The following TENM2 variants were observed in gnomAD, a reference collection of about 807,000 sequenced individuals.
TENM2 encodes the protein teneurin-2.
In TENM2, 52 loss-of-function variants were observed where a neutral mutation model predicts 245.2. The ratio of observed to expected loss-of-function variants is 0.21; its 90% CI spans 0.17 to 0.27. The LOEUF is 0.27. TENM2 is among the 10% of genes least tolerant of loss of function. The pLI, the probability that TENM2 is intolerant of heterozygous loss-of-function variation, is 1.00. For missense variants in TENM2, 3,046 were observed against 3,666.8 expected (o/e 0.83, Z 4.37); for synonymous variants, 1,363 against 1,438.9 (o/e 0.95, Z 1.19).
At chr5:167,527,073 A>G (rs1405785269) in intron 2 of TENM2, among the ~76,000 whole-genome samples, 1 of 152,036 alleles carries the variant, frequency 6.6e-6, no homozygotes, top group East Asian at 1.9e-4. Context: ...CTCTCTCCCA[A>G]CACTCCCTTC....
chr5:167,141,342 G>A, the TENM2 span, among the ~76,000 whole-genome samples: 14 of 152,158 alleles, frequency 9.2e-5, no homozygotes, highest in Non-Finnish European at 1.5e-4. Context: ...AAATGATTGT[G>A]TAGGGCTTTA....
At chr5:168,227,928 A>G (rs1438559246) in exon 25 of TENM2, 1 of 1,612,462 alleles carries the variant, frequency 6.2e-7, no homozygotes, top group Non-Finnish European at 8.5e-7. Context: ...CTCTGTAATA[A>G]TGGTACCCTG....
intron 4 of TENM2, 117 bp downstream of exon 6, chr5:167,952,939 A>C: frequency 5.0e-6 from 4 of 803,156 alleles, no homozygotes; most frequent in Non-Finnish European, 8.1e-6. Flanking sequence ...GGTATAAATA[A>C]TGAGACAAGT....
chr5:167,193,390 C>A, the TENM2 span, among the ~76,000 whole-genome samples: 4 of 150,770 alleles, frequency 2.7e-5, no homozygotes, highest in Non-Finnish European at 5.9e-5. Flanking sequence ...CAGGGGATAT[C>A]TTTGTTTTCT....
At chr5:167,096,401 C>T in the TENM2 span, among the ~76,000 whole-genome samples, 4 of 152,266 alleles carry the variant, frequency 2.6e-5, no homozygotes, top group Admixed American at 6.5e-5. Context: ...TCTCTCTGAC[C>T]GTAACACATT....
At chr5:166,998,839 C>T in the TENM2 span, among the ~76,000 whole-genome samples, 35 of 152,016 alleles carry the variant, frequency 2.3e-4, no homozygotes, top group Middle Eastern at 0.017. Context: ...GAAGCCTTTA[C>T]GTTTTAGAAA....
At chr5:167,393,638 TG>T (rs1270325980) in intron 2 of TENM2, among the ~76,000 whole-genome samples, 1 of 152,160 alleles carries the variant, frequency 6.6e-6, no homozygotes, top group African/African-American at 2.4e-5. Context: ...TTATTTAAAA[TG>T]GTGGCCTTTG....
chr5:167,345,697 A>C (rs940945234), intron 1 of TENM2, among the ~76,000 whole-genome samples: 10 of 152,162 alleles, frequency 6.6e-5, no homozygotes, highest in Non-Finnish European at 1.3e-4. Flanking sequence ...AAAGAAGCTA[A>C]TATTTCTGAT....
At chr5:167,152,331 A>T in the TENM2 span, among the ~76,000 whole-genome samples, 1 of 152,196 alleles carries the variant, frequency 6.6e-6, no homozygotes, top group South Asian at 2.1e-4. Context: ...ACGTGGTTCA[A>T]ATCTGCTTGT....
intron 5 of TENM2, among the ~76,000 whole-genome samples, chr5:167,994,179 A>G (rs1783879746): frequency 6.6e-6 from 1 of 152,268 alleles, no homozygotes; most frequent in Non-Finnish European, 1.5e-5. Context: ...GGCAGCTATG[A>G]GAGACCTGCC....
chr5:167,365,492 G>A (rs1039785493), intron 1 of TENM2, among the ~76,000 whole-genome samples: 117 of 151,134 alleles, frequency 7.7e-4, no homozygotes, highest in African/African-American at 2.5e-3. Flanking sequence ...TTGAAAAATC[G>A]ATAAAATAAA....
At chr5:167,938,800 G>A (rs374662075) in intron 3 of TENM2, among the ~76,000 whole-genome samples, 10 of 152,040 alleles carry the variant, frequency 6.6e-5, no homozygotes, top group South Asian at 6.2e-4. Context: ...AAAATTAGCC[G>A]GGTGTGGTGG....
intron 2 of TENM2, among the ~76,000 whole-genome samples, chr5:167,376,077 A>G (rs1760730979): frequency 6.6e-6 from 1 of 152,134 alleles, no homozygotes; most frequent in Admixed American, 6.5e-5. Flanking sequence ...TCTGTCACAA[A>G]TCACTATTGC....
At chr5:167,050,262 C>T in the TENM2 span, among the ~76,000 whole-genome samples, 1 of 152,128 alleles carries the variant, frequency 6.6e-6, no homozygotes, top group East Asian at 1.9e-4. Flanking sequence ...GTCAGGTCAG[C>T]AGAGGCATTA....
At chr5:168,109,207 G>A (rs922154816) in intron 9 of TENM2, among the ~76,000 whole-genome samples, 3 of 152,166 alleles carry the variant, frequency 2.0e-5, no homozygotes, top group African/African-American at 7.2e-5. Context: ...GGGATTCTTT[G>A]GCAGCAAAGG....
the TENM2 span, among the ~76,000 whole-genome samples, chr5:167,038,852 T>G: frequency 3.9e-5 from 6 of 152,184 alleles, no homozygotes; most frequent in Non-Finnish European, 8.8e-5. Context: ...TCAGTTTTTA[T>G]TTGAGATTTG....
At chr5:167,926,718 C>CCACACACA (rs750351497) in intron 3 of TENM2, among the ~76,000 whole-genome samples, 290 of 136,806 alleles carry the variant, frequency 2.1e-3, no homozygotes, top group African/African-American at 4.3e-3. Context: ...TGAGATTCCA[C>CCACACACA]CACACACACA....
At chr5:168,156,078 TGGAAGAG>T (rs1757136846) in intron 12 of TENM2, among the ~76,000 whole-genome samples, 1 of 151,744 alleles carries the variant, frequency 6.6e-6, no homozygotes, top group Non-Finnish European at 1.5e-5. Context: ...TGTATGCTAT[TGGAAGAG>T]AAAATAAATA....
intron 4 of TENM2, among the ~76,000 whole-genome samples, chr5:167,988,274 GTTAT>G (rs370022895): frequency 2.1e-4 from 32 of 152,310 alleles, no homozygotes; most frequent in African/African-American, 7.7e-4. Context: ...AAGGTTGTAA[GTTAT>G]TTATTTAACA....
Sources: allele counts gnomAD v4.1 joint callset (sites outside exome capture counted in the v4.1 genomes callset), GRCh38; gene constraint gnomAD v4.1.1; transcripts MANE v1.5; gene names NCBI Gene and HGNC (gene_info 2026-07-23, HGNC 2026-07-21).